Variants in FGFR2 observed in about 807,000 individuals in gnomAD.
FGFR2 encodes BEK fibroblast growth factor receptor.
In FGFR2, 19 loss-of-function variants were observed where a neutral mutation model predicts 95.9. The observed-to-expected ratio is 0.20, with a 90% CI of 0.14 to 0.29. The LOEUF is 0.29. Ranked by LOEUF, FGFR2 falls within the 10% of genes least tolerant of loss-of-function variation. FGFR2 has a pLI of 1.00. For missense variants in FGFR2, 707 were observed against 1,056.9 expected (o/e 0.67, Z 4.59); for synonymous variants, 392 against 393.3 (o/e 1.00, Z 0.04).
chr10:121,561,327 G>A (rs1183345951), intron 4 of FGFR2, among the ~76,000 whole-genome samples: 1 of 151,870 alleles, frequency 6.6e-6, no homozygotes, highest in Non-Finnish European at 1.5e-5. Flanking sequence ...AGGAGGCTGA[G>A]GCAGGAGAAT....
chr10:121,550,316 G>A (rs2134803034), intron 5 of FGFR2, among the ~76,000 whole-genome samples: 1 of 152,286 alleles, frequency 6.6e-6, no homozygotes, highest in East Asian at 1.9e-4. Context: ...AGAGCCCCTT[G>A]GAGCTGGGGC....
At chr10:121,546,080 G>A (rs141263307) in intron 5 of FGFR2, among the ~76,000 whole-genome samples, 35 of 151,726 alleles carry the variant, frequency 2.3e-4, no homozygotes, top group East Asian at 1.7e-3. Flanking sequence ...TGAGAATTGA[G>A]GTGGTCTATT....
rs1398112817 is a variant in FGFR2, at chr10:121,598,386, G to GCGCTCCCTCGCC, written c.-587_-576dup. The GCGCTCCCTCGCC allele has an allele frequency of 2.2e-4, 36 of 160,446 alleles. No individual in the cohort carries two copies. Among genetic ancestry groups the GCGCTCCCTCGCC allele is most frequent in the Middle Eastern group, 2.8e-3 (1 of 354 alleles). 9.9% of individuals were successfully genotyped at this position (160,446 alleles called of 1,614,324 possible). On this transcript the variant is annotated 5_prime_UTR_variant, in exon 1 of 18. Transcript: ENST00000358487. ...CGCCCGAGCTTTGTGGCGGCCGCGC[G>GCGCTCCCTCGCC]CGCTCCCTCGCCCGCTCCGCACCCG...
chr10:121,520,038 C>T lies in FGFR2; in HGVS notation c.880G>A (p.Val294Met), dbSNP rs755453106. The T allele has an allele frequency of 1.1e-5, 18 of 1,614,224 alleles. No homozygotes were observed. In the South Asian group the frequency reaches 1.3e-4, roughly 12 times the overall value. The change falls in exon 7 of 18, where the codon GTG becomes ATG. Residue 294 changes from valine to methionine, a missense_variant. Physicochemically the swap from Val to Met is conservative, Grantham distance 21. Around this residue, in one of 7 missense-constraint regions of FGFR2, gnomAD observed 139 missense variants for 278.1 expected, o/e 0.50. Transcript: ENST00000358487. ...AQPHIQWIKH[V>M]EKNGSKYGPD... Reference sequence around the variant, plus strand: ...CCGTATTTACTGCCGTTCTTTTCCACGTGCTTGATCCACTGGATGTGGGGC... The same window carrying T: ...CCGTATTTACTGCCGTTCTTTTCCATGTGCTTGATCCACTGGATGTGGGGC...
chr10:121,489,260 G>A (rs1347532985), intron 13 of FGFR2, among the ~76,000 whole-genome samples: 2 of 152,050 alleles, frequency 1.3e-5, no homozygotes, highest in Admixed American at 6.6e-5. Flanking sequence ...TTTTAGTAGA[G>A]ACGGGGTTTC....
Position 121,551,346 on chromosome 10 carries a change from G to C in FGFR2, c.568C>G (p.Arg190Gly), listed in dbSNP as rs147987917. The change falls in exon 5 of 18, where the codon CGG becomes GGG. Residue 190 changes from arginine (R) to glycine (G), a missense_variant. Around this residue, in one of 7 missense-constraint regions of FGFR2, gnomAD observed 139 missense variants for 278.1 expected, o/e 0.50. Coordinates refer to ENST00000358487, the MANE Select transcript of FGFR2 (RefSeq NM_000141.5). ...AACTCCTTCCCGTTTTTCAGCCACC[G>C]CATGGTTGGCATTGGGTTCCCCCCG... ...PAGGNPMPTM[R>G]WLKNGKEFKQ... 2 of 1,614,050 alleles carry C rather than the reference G, an allele frequency of 1.2e-6. No homozygotes were observed. Among genetic ancestry groups the C allele is most frequent in the East Asian group, 2.2e-5 (1 of 44,898 alleles).
At chr10:121,482,080 G>T in intron 17 of FGFR2, 1 of 1,068,552 alleles carries the variant, frequency 9.4e-7, no homozygotes, top group Non-Finnish European at 1.4e-6. Flanking sequence ...CTCATGATCC[G>T]CCTGCCTCGG....
In FGFR2 at chr10:121,598,260, G is replaced by A. The variant is rs1312379297; in HGVS notation, c.-449C>T. On this transcript the variant is annotated 5_prime_UTR_variant, in exon 1 of 18. Transcript: ENST00000358487. Reference sequence around the variant, plus strand: ...AGTTGCGAAGGCTCAGAGCGCGCAGGCAAGCTGCGGCCTCGGGGCCCCCGG... The same window carrying A: ...AGTTGCGAAGGCTCAGAGCGCGCAGACAAGCTGCGGCCTCGGGGCCCCCGG... 6 of 391,956 alleles carry A rather than the reference G, an allele frequency of 1.5e-5. No individual in the cohort carries two copies. The highest frequency in any genetic ancestry group is 2.3e-5 in the Non-Finnish European group (5 of 221,902). The allele number at this position is 391,956 out of a possible 1,614,324, so 24.3% of individuals were successfully genotyped here. A position where few individuals can be genotyped will look rare whatever the true frequency, so the allele number is the denominator to read the frequency against.
chr10:121,500,684 T>C (rs1311657201), intron 11 of FGFR2, 142 bp downstream of exon 11: 1 of 1,173,422 alleles, frequency 8.5e-7, no homozygotes, highest in Non-Finnish European at 1.2e-6. Context: ...GATGCTGATT[T>C]ATACCGAAAA....
chr10:121,566,103 G>A (rs1353512894), intron 2 of FGFR2, among the ~76,000 whole-genome samples: 1 of 152,172 alleles, frequency 6.6e-6, no homozygotes, highest in Non-Finnish European at 1.5e-5. Flanking sequence ...TACGTGAAAC[G>A]TGACTGTGCG....
chr10:121,512,369 C>A lies in FGFR2; in HGVS notation c.1287+2748G>T, dbSNP rs183917935. 1.6e-4 allele frequency among the ~76,000 whole-genome samples: 25 copies of A among 152,246 alleles called. 1 individual carries two copies. The East Asian group carries it at 4.4e-3, about 27-fold the overall frequency. ...TCTTTGTGAAGATCCAATAATGTAC[C>A]CCACTTGGACATGTAGAAGGAGCTG... is the stretch of plus-strand genomic sequence containing the variant. On this transcript the variant is annotated intron_variant, in intron 9 of 17. Transcript: ENST00000358487.
chr10:121,553,682 C>T (rs905114614), intron 4 of FGFR2, among the ~76,000 whole-genome samples: 1 of 152,202 alleles, frequency 6.6e-6, no homozygotes, highest in Non-Finnish European at 1.5e-5. Flanking sequence ...AATATTAATG[C>T]AGTAACTCTT....
At chr10:121,543,434 C>A (rs921410582) in intron 5 of FGFR2, among the ~76,000 whole-genome samples, 1 of 152,116 alleles carries the variant, frequency 6.6e-6, no homozygotes, top group Non-Finnish European at 1.5e-5. Context: ...CGCTTGAACC[C>A]GGGAGACAGA....
chr10:121,546,006 C>T (rs191369470), intron 5 of FGFR2, among the ~76,000 whole-genome samples: 13 of 152,120 alleles, frequency 8.5e-5, no homozygotes, highest in East Asian at 5.8e-4. Context: ...GCAGGCACTT[C>T]GAAGTGGCAT....
At position 121,597,965 on chromosome 10, in the gene FGFR2, G is replaced by C. The variant is rs1227800069; in HGVS notation, c.-154C>G. The C allele has an allele frequency of 1.3e-5, 5 of 393,000 alleles. No homozygotes were observed. Among genetic ancestry groups the C allele is most frequent in the Non-Finnish European group, 2.2e-5 (5 of 222,756 alleles). 24.3% of individuals were successfully genotyped at this position (393,000 alleles called of 1,614,324 possible). On this transcript the variant is annotated 5_prime_UTR_variant, in exon 1 of 18. Coordinates refer to ENST00000358487, the MANE Select transcript of FGFR2 (RefSeq NM_000141.5). Reference sequence around the variant, plus strand: ...AGGCGTCTTGCGCGGCGATTACCTTGAATGGCAACGCTCCTCCGCGACCTG... The same window carrying C: ...AGGCGTCTTGCGCGGCGATTACCTTCAATGGCAACGCTCCTCCGCGACCTG...
rs199697707 is a variant in FGFR2, at chr10:121,487,984, G to T, written c.1986+7C>A. ...CCCTGCCCACTGTGTTACTGCCATC[G>T]ACTTACATTGGTGGTCTTTTTGTAA... On this transcript the variant is annotated splice_region_variant and intron_variant, in intron 14 of 17. Coordinates refer to ENST00000358487, the MANE Select transcript of FGFR2 (RefSeq NM_000141.5). 1.2e-5 allele frequency: 19 copies of T among 1,613,832 alleles called. No individual in the cohort carries two copies. Among genetic ancestry groups the T allele is most frequent in the Non-Finnish European group, 1.4e-5 (17 of 1,180,002 alleles).
rs777719018 is a variant in FGFR2 at position 121,491,325 on chromosome 10, G to A, written c.1864-3212C>T. Among the ~76,000 whole-genome samples the A allele has an allele frequency of 5.9e-5, 9 of 152,194 alleles. 1 individual carries two copies. In the East Asian group the frequency reaches 1.2e-3, roughly 20 times the overall value. ...GTAATCAAAGGCAAGCCAAATCCCC[G>A]TCATCCACAGGAATGTCAGCCGTTC... On this transcript the variant is annotated intron_variant, in intron 13 of 17. Transcript: ENST00000358487.
At chr10:121,578,194 G>A (rs193131996) in intron 2 of FGFR2, among the ~76,000 whole-genome samples, 1 of 151,368 alleles carries the variant, frequency 6.6e-6, no homozygotes, top group East Asian at 2.0e-4. Flanking sequence ...TTTTAAAAAG[G>A]CACAGACCAC....
At chr10:121,543,235 T>G (rs376424690) in intron 5 of FGFR2, among the ~76,000 whole-genome samples, 43 of 152,232 alleles carry the variant, frequency 2.8e-4, no homozygotes, top group East Asian at 1.7e-3. Context: ...ATCTGCCAGG[T>G]GCAGTGGCTC....
Sources: allele counts gnomAD v4.1 joint callset (sites outside exome capture counted in the v4.1 genomes callset), GRCh38; gene constraint gnomAD v4.1.1; regional missense constraint gnomAD v4.1.1; transcripts MANE v1.5; gene names NCBI Gene and HGNC (gene_info 2026-07-23, HGNC 2026-07-21).